Variants in ACADVL observed in about 807,000 individuals in gnomAD.
The protein encoded by ACADVL is acyl-CoA dehydrogenase very long chain, also known as very long-chain acyl-CoA dehydrogenase, mitochondrial.
A neutral mutation model predicts 80.4 loss-of-function variants in ACADVL; 73 were observed. The ratio of observed to expected loss-of-function variants is 0.91; its 90% CI spans 0.75 to 1.10. The LOEUF (loss-of-function observed/expected upper bound fraction) is 1.10. ACADVL is among the 50% of genes least tolerant of loss of function. The pLI is 0.00. For synonymous variants in ACADVL, 392 were observed against 326.5 expected (o/e 1.20, Z -2.16); for missense variants, 878 against 858.9 (o/e 1.02, Z -0.28).
rs780182404 is a variant in ACADVL, at chr17:7,224,368, C to T, written c.1580C>T (p.Pro527Leu). The T allele has an allele frequency of 3.7e-6, 6 of 1,613,708 alleles. No individual in the cohort carries two copies. Among genetic ancestry groups the T allele is most frequent in the East Asian group, 2.2e-5 (1 of 44,878 alleles). ...SGLSLSGLVH[P>L]ELSRSGELAV... ...CTGAGTCTCAGCGGACTTGTCCACC[C>T]GGAGTTGAGTCGGAGTGGCGAGCTG... is the stretch of plus-strand genomic sequence containing the variant. The change falls in exon 16 of 20, where the codon CCG (proline) becomes CTG (leucine). Residue 527 changes from proline to leucine, a missense_variant. Coordinates refer to ENST00000356839, the MANE Select transcript of ACADVL (RefSeq NM_000018.4).
intron 8 of ACADVL, 31 bp downstream of exon 8, chr17:7,222,112 T>G: frequency 6.2e-7 from 1 of 1,614,120 alleles, no homozygotes; most frequent in Non-Finnish European, 8.5e-7. Flanking sequence ...CCCCTTCTCC[T>G]CCGCCCAATT....
chr17:7,218,338 A>G, upstream of ACADVL: 1 of 1,551,036 alleles, frequency 6.4e-7, no homozygotes. Context: ...CAGGCACATC[A>G]CCCCTGTCAT....
chr17:7,217,961 GC>G, upstream of ACADVL: 1 of 813,202 alleles, frequency 1.2e-6, no homozygotes, highest in Non-Finnish European at 1.9e-6. Context: ...ATCCCTGGGG[GC>G]CTAGTTCTCC....
rs2071230392 is a variant in ACADVL at position 7,221,608 on chromosome 17, G to A, written c.548G>A (p.Ser183Asn). ...GVGITLGAHQ[S>N]IGFKGILLFG... ...GGCATTACCCTGGGGGCCCATCAGA[G>A]CATCGGTTTCAAAGGCATCCTGCTC... The change falls in exon 7 of 20, where the codon AGC becomes AAC. Residue 183 changes from serine (S) to asparagine (N), a missense_variant. Physicochemically the swap from Ser to Asn is conservative, Grantham distance 46 (BLOSUM62 1). Transcript: ENST00000356839. The A allele has an allele frequency of 2.5e-6, 4 of 1,614,110 alleles. No homozygotes were observed. The highest frequency in any genetic ancestry group is 1.7e-5 in the Admixed American group (1 of 60,024).
upstream of ACADVL, chr17:7,217,801 GACAGC>G (rs1178274476): frequency 6.5e-7 from 1 of 1,535,324 alleles, no homozygotes; most frequent in Admixed American, 2.0e-5. Context: ...CACCAGCGAT[GACAGC>G]AAAGACGATG....
intron 2 of ACADVL, 68 bp from the exon 3 acceptor site, chr17:7,220,396 C>T: frequency 2.5e-6 from 4 of 1,606,830 alleles, no homozygotes; most frequent in Non-Finnish European, 3.4e-6. Context: ...CCGCGCGGCT[C>T]TCGCCTGTTC....
chr17:7,220,014 G>A lies in ACADVL; in HGVS notation c.30G>A (p.Leu10=), dbSNP rs2142959363. 2 of 1,605,152 alleles carry A rather than the reference G, an allele frequency of 1.2e-6. No homozygotes were observed. Among genetic ancestry groups the A allele is most frequent in the Non-Finnish European group, 1.7e-6 (2 of 1,178,828 alleles). The change falls in exon 1 of 20, where the codon TTG becomes TTA. Residue 10 remains leucine, a synonymous_variant. Coordinates refer to ENST00000356839, the MANE Select transcript of ACADVL (RefSeq NM_000018.4). MQAARMAAS[L]GRQLLRLGGG... ...AGGCGGCTCGGATGGCCGCGAGCTTGGGGCGGCAGCTGCTGAGGCTCGGGG... is the reference window on the plus strand; with the variant it reads ...AGGCGGCTCGGATGGCCGCGAGCTTAGGGCGGCAGCTGCTGAGGCTCGGGG...
At chr17:7,221,882 A>G in intron 7 of ACADVL, 70 bp from the exon 8 acceptor site, 1 of 1,611,832 alleles carries the variant, frequency 6.2e-7, no homozygotes, top group Non-Finnish European at 8.5e-7. Context: ...TGCTGGAGGG[A>G]TGGGGAAGTG....
At chr17:7,221,833 A>G in intron 7 of ACADVL, 119 bp from the exon 8 acceptor site, 5 of 1,592,078 alleles carry the variant, frequency 3.1e-6, no homozygotes, top group South Asian at 1.1e-5. Flanking sequence ...GGGACATGCA[A>G]AAGAACTGGA....
upstream of ACADVL, chr17:7,217,699 T>G (rs1298739002): frequency 1.2e-5 from 19 of 1,531,278 alleles, no homozygotes; most frequent in Non-Finnish European, 1.7e-5. Flanking sequence ...CAGAGTTAAC[T>G]CCTTCTGTGC....
chr17:7,218,401 C>T (rs1399904099), upstream of ACADVL: 1 of 1,390,444 alleles, frequency 7.2e-7, no homozygotes, highest in African/African-American at 1.4e-5. Flanking sequence ...AAGGCTGGTC[C>T]ACACTCATGG....
chr17:7,221,890 G>C (rs754978968), intron 7 of ACADVL, 62 bp from the exon 8 acceptor site: 2 of 1,613,224 alleles, frequency 1.2e-6, no homozygotes, highest in Non-Finnish European at 1.7e-6. Flanking sequence ...GGATGGGGAA[G>C]TGGGCCGAGG....
At chr17:7,221,497 C>G (rs780803905) in intron 6 of ACADVL, 41 bp from the exon 7 acceptor site, 3 of 1,612,376 alleles carry the variant, frequency 1.9e-6, no homozygotes, top group Admixed American at 3.3e-5. Context: ...TCAGGTCCCC[C>G]TGCAGCCAGT....
At chr17:7,222,415 C>A in intron 9 of ACADVL, 113 bp downstream of exon 9, 1 of 1,468,828 alleles carries the variant, frequency 6.8e-7, no homozygotes, top group Non-Finnish European at 9.2e-7. Context: ...AGCAGGTGGA[C>A]TGAATGTGGC....
upstream of ACADVL, chr17:7,217,675 G>C (rs764930453): frequency 2.7e-6 from 4 of 1,487,208 alleles, no homozygotes; most frequent in Non-Finnish European, 2.7e-6. Context: ...GCCAGAATGG[G>C]GGGGGTGCCT....
chr17:7,224,518 G>C lies in ACADVL; in HGVS notation c.1644G>C (p.Glu548Asp). ...RALEQFATVV[E>D]AKLIKHKKGI... is the part of the protein sequence containing the mutation. The stretch of plus-strand genomic sequence containing the variant: ...TGGAGCAGTTTGCCACTGTGGTGGA[G>C]GCCAAGCTGATAAAACACAAGAAGG... Residue 548 changes from glutamate to aspartate, a missense_variant, in exon 17 of 20, where the codon GAG becomes GAC. By Grantham distance (45) the Glu-to-Asp change is conservative. Transcript: ENST00000356839. 1 of 1,613,358 alleles carries C rather than the reference G, an allele frequency of 6.2e-7. No homozygotes were observed.
Position 7,222,782 on chromosome 17 carries a change from G to A in ACADVL, c.994G>A (p.Val332Ile), listed in dbSNP as rs775761275. 21 of 1,613,932 alleles carry A rather than the reference G, an allele frequency of 1.3e-5. No individual in the cohort carries two copies. The highest frequency in any genetic ancestry group is 8.5e-7 in the Non-Finnish European group (1 of 1,180,028). ...VLGEVGSGFKVAMHILNNGRF... is the reference protein window; with the variant it reads ...VLGEVGSGFKIAMHILNNGRF... Reference sequence around the variant, plus strand: ...GGGTGAGGTTGGGAGTGGCTTCAAGGTTGCCATGCACATCCTCAACAATGG... The same window carrying A: ...GGGTGAGGTTGGGAGTGGCTTCAAGATTGCCATGCACATCCTCAACAATGG... Residue 332 changes from valine (V) to isoleucine (I), a missense_variant, in exon 10 of 20, where the codon GTT (valine) becomes ATT (isoleucine). Coordinates refer to ENST00000356839, the MANE Select transcript of ACADVL (RefSeq NM_000018.4).
chr17:7,218,338 A>C (rs1597510034), upstream of ACADVL: 1 of 1,550,916 alleles, frequency 6.4e-7, no homozygotes, highest in South Asian at 1.2e-5. Flanking sequence ...CAGGCACATC[A>C]CCCCTGTCAT....
At position 7,223,300 on chromosome 17, in the gene ACADVL, T is replaced by C. The variant is rs549752650; in HGVS notation, c.1182+63T>C. On this transcript the variant is annotated intron_variant, in intron 11 of 19. Coordinates refer to ENST00000356839, the MANE Select transcript of ACADVL (RefSeq NM_000018.4). Reference sequence around the variant, plus strand: ...GGCTTTCTTCCCAGTCGGGTCAGACTACAACCCCCAGCAGCACCTGGGGCA... The same window carrying C: ...GGCTTTCTTCCCAGTCGGGTCAGACCACAACCCCCAGCAGCACCTGGGGCA... 2.1e-6 allele frequency: 3 copies of C among 1,454,318 alleles called. No homozygotes were observed. The African/African-American group carries it at 4.2e-5, about 20-fold the overall frequency. The allele number at this position is 1,454,318 out of a possible 1,614,324, so 90.1% of individuals were successfully genotyped here.
Sources: gnomAD v4.1 joint callset for allele counts on GRCh38, gnomAD v4.1.1 for gene constraint, MANE v1.5 for transcripts, NCBI Gene and HGNC (gene_info 2026-07-23, HGNC 2026-07-21) for gene names.